RAPGEF1: variants seen among roughly 807,000 people sequenced by gnomAD.
RAPGEF1 encodes the protein Rap guanine nucleotide exchange factor 1, also known as CRK SH3-binding GNRP.
A neutral mutation model predicts 143.3 loss-of-function variants in RAPGEF1; 33 were observed. The observed-to-expected ratio is 0.23, with a 90% CI of 0.17 to 0.31. The LOEUF (loss-of-function observed/expected upper bound fraction) is 0.31, where lower values mean the gene tolerates loss of function less well. Ranked by LOEUF, RAPGEF1 falls within the 10% of genes least tolerant of loss-of-function variation. RAPGEF1 has a pLI of 1.00. For missense variants in RAPGEF1, 1,199 were observed against 1,645.4 expected, an observed-to-expected ratio of 0.73 and a Z score of 4.69; for synonymous variants, 629 against 676.5, an observed-to-expected ratio of 0.93 and a Z score of 1.09.
intron 1 of RAPGEF1, among the ~76,000 whole-genome samples, chr9:131,702,449 T>C (rs1207144233): frequency 6.6e-6 from 1 of 152,246 alleles, no homozygotes; most frequent in Admixed American, 6.5e-5. Flanking sequence ...TTAACACCGA[T>C]AATGGCTTTT....
At position 131,580,458 on chromosome 9, in the gene RAPGEF1, G is replaced by A. The variant is rs1951695389; in HGVS notation, c.3513-67C>T. On this transcript the variant is annotated intron_variant, in intron 25 of 26. Coordinates refer to ENST00000683357, the MANE Select transcript of RAPGEF1 (RefSeq NM_001377935.1). ...TGGAAGCAGCAAGGGCTAGAGACAT[G>A]TGTCAGGCGCTAGGACTCGCAGTGA... 4.5e-6 allele frequency: 7 copies of A among 1,550,710 alleles called. No individual in the cohort carries two copies. The Admixed American group carries it at 1.3e-4, about 29-fold the overall frequency.
chr9:131,632,675 T>C (rs1420859856), intron 5 of RAPGEF1, among the ~76,000 whole-genome samples: 1 of 152,156 alleles, frequency 6.6e-6, no homozygotes, highest in Non-Finnish European at 1.5e-5. Context: ...ACAACAAGAA[T>C]ATGCACTGTA....
intron 1 of RAPGEF1, among the ~76,000 whole-genome samples, chr9:131,680,891 G>A (rs73561741): frequency 0.018 from 2,741 of 152,230 alleles, 80 homozygotes; most frequent in African/African-American, 0.062. Flanking sequence ...GGCAAGTAGC[G>A]TCCATCGTGG....
intron 1 of RAPGEF1, among the ~76,000 whole-genome samples, chr9:131,702,235 C>T (rs918164196): frequency 4.6e-5 from 7 of 152,220 alleles, no homozygotes; most frequent in Non-Finnish European, 1.0e-4. Flanking sequence ...TCTGGGCTCA[C>T]TCTGTCTCTT....
Position 131,652,528 on chromosome 9 carries a change from A to T in RAPGEF1, c.62-1579T>A, listed in dbSNP as rs562581105. ...GCTTTTTTCTATTTAAAAAATTATT[A>T]TTTTTTTTTCACTTTTAAAACTTTT... On this transcript the variant is annotated intron_variant, in intron 1 of 26. Transcript: ENST00000683357. 6.1e-3 allele frequency among the ~76,000 whole-genome samples: 925 copies of T among 151,008 alleles called. 17 individuals are homozygous for T. The highest frequency in any genetic ancestry group is 0.021 in the African/African-American group (862 of 41,136).
At chr9:131,682,834 A>G (rs1290000005) in intron 1 of RAPGEF1, among the ~76,000 whole-genome samples, 1 of 152,232 alleles carries the variant, frequency 6.6e-6, no homozygotes, top group Non-Finnish European at 1.5e-5. Context: ...AGGAGTGGAC[A>G]TTTCAATCAT....
chr9:131,664,187 T>C (rs995401100), intron 1 of RAPGEF1, among the ~76,000 whole-genome samples: 3 of 152,200 alleles, frequency 2.0e-5, no homozygotes, highest in African/African-American at 7.2e-5. Flanking sequence ...TCTTTGGTTT[T>C]TGATGCAAAA....
chr9:131,668,553 T>C (rs1313266297), intron 1 of RAPGEF1, among the ~76,000 whole-genome samples: 1 of 151,988 alleles, frequency 6.6e-6, no homozygotes, highest in Non-Finnish European at 1.5e-5. Context: ...GGGTTAAGTT[T>C]AAACCTCCCC....
Position 131,624,930 on chromosome 9 carries a change from G to A in RAPGEF1, c.1702+992C>T, listed in dbSNP as rs144031847. On this transcript the variant is annotated intron_variant, in intron 10 of 26. Coordinates refer to ENST00000683357, the MANE Select transcript of RAPGEF1 (RefSeq NM_001377935.1). ...GGGGATACATGACATCATCGCAGCC[G>A]CCGCCTTCTGTGGACCACGCAGCCA... Among the ~76,000 whole-genome samples the A allele has an allele frequency of 5.0e-3, 763 of 152,374 alleles. 11 individuals carry two copies. Among genetic ancestry groups the A allele is most frequent in the African/African-American group, 0.017 (699 of 41,588 alleles).
chr9:131,722,908 C>T (rs755733063), intron 1 of RAPGEF1, among the ~76,000 whole-genome samples: 3 of 151,938 alleles, frequency 2.0e-5, no homozygotes, highest in South Asian at 2.1e-4. Flanking sequence ...AACAACGGGG[C>T]GGGGGGCAGG....
chr9:131,659,887 C>T (rs944896312), intron 1 of RAPGEF1, among the ~76,000 whole-genome samples: 14 of 152,016 alleles, frequency 9.2e-5, no homozygotes, highest in African/African-American at 3.4e-4. Flanking sequence ...GGCGTGATCT[C>T]GGCTCACTGC....
intron 1 of RAPGEF1, chr9:131,737,683 G>C (rs1410031498): frequency 8.9e-7 from 1 of 1,122,092 alleles, no homozygotes; most frequent in Admixed American, 3.1e-5. Context: ...TAAAAAAAGA[G>C]GCCCAGCGCG....
chr9:131,638,828 A>G (rs1966898900), intron 4 of RAPGEF1, 37 bp from the exon 5 acceptor site: 1 of 1,592,304 alleles, frequency 6.3e-7, no homozygotes. Context: ...AAGAAAATCT[A>G]AAGCATGACC....
intron 18 of RAPGEF1, among the ~76,000 whole-genome samples, chr9:131,590,448 AG>A (rs1242294828): frequency 6.6e-6 from 1 of 152,122 alleles, no homozygotes; most frequent in Non-Finnish European, 1.5e-5. Context: ...GGGCTCTGCA[AG>A]GGAACTCTCA....
At chr9:131,706,367 A>G (rs969966229) in intron 1 of RAPGEF1, among the ~76,000 whole-genome samples, 1 of 151,830 alleles carries the variant, frequency 6.6e-6, no homozygotes, top group African/African-American at 2.4e-5. Context: ...GGTTCAAGCA[A>G]TCCTCCCACC....
intron 1 of RAPGEF1, among the ~76,000 whole-genome samples, chr9:131,688,425 A>AT (rs1833526325): frequency 6.6e-6 from 1 of 152,240 alleles, no homozygotes; most frequent in African/African-American, 2.4e-5. Flanking sequence ...ACCCATTAAC[A>AT]TAAGCCAGGA....
Position 131,596,349 on chromosome 9 carries a change from C to T in RAPGEF1, c.2638G>A (p.Gly880Arg), listed in dbSNP as rs369218533. ...QEGDDGPDVR[G>R]GSGDILLVHA... ...ACCAGTAAGATGTCCCCAGATCCTC[C>T]GCGGACGTCCGGCCCGTCATCACCC... The change falls in exon 17 of 27, where the codon GGA (glycine) becomes AGA (arginine). Residue 880 changes from glycine (G) to arginine (R), a missense_variant. This residue lies in a region of RAPGEF1 where 209 missense variants were observed against 403.0 expected (regional missense o/e 0.52). Transcript: ENST00000683357. The T allele has an allele frequency of 9.3e-6, 15 of 1,613,948 alleles. No individual in the cohort carries two copies. Among genetic ancestry groups the T allele is most frequent in the South Asian group, 2.2e-5 (2 of 91,072 alleles).
In RAPGEF1 at chr9:131,619,071, C is replaced by CAAAATTGGCCAAGCCTGGGCCAGAGCA; in HGVS notation, c.2040_2041insTGCTCTGGCCCAGGCTTGGCCAATTTT (p.His680_Gly681insCysSerGlyProGlyLeuAlaAsnPhe). The CAAAATTGGCCAAGCCTGGGCCAGAGCA allele has an allele frequency of 7.4e-7, 1 of 1,359,296 alleles. No homozygotes were observed. 84.2% of individuals were successfully genotyped at this position (1,359,296 alleles called of 1,614,324 possible). A position where few individuals can be genotyped will look rare whatever the true frequency, so the allele number is the denominator to read the frequency against. On this transcript the variant is annotated inframe_insertion, in exon 12 of 27. Coordinates refer to ENST00000683357, the MANE Select transcript of RAPGEF1 (RefSeq NM_001377935.1). Reference sequence around the variant, plus strand: ...CTCACCGAGGGCACGGGCAAGCTGCCGTGCCGGCTGAGAAAGGAGTTAGAG... The same window carrying CAAAATTGGCCAAGCCTGGGCCAGAGCA: ...CTCACCGAGGGCACGGGCAAGCTGCCAAAATTGGCCAAGCCTGGGCCAGAGCAGTGCCGGCTGAGAAAGGAGTTAGAG...
In RAPGEF1 at chr9:131,732,497, T is replaced by C. The variant is rs1256557374; in HGVS notation, c.61+7273A>G. On this transcript the variant is annotated intron_variant, in intron 1 of 26. Coordinates refer to ENST00000683357, the MANE Select transcript of RAPGEF1 (RefSeq NM_001377935.1). ...AGCTCAAAGAACGTGCACTGACCAA[T>C]GGATGCGGCATCAGAACCGAGTGGC... Among the ~76,000 whole-genome samples, 4 of 152,182 alleles carry C rather than the reference T, an allele frequency of 2.6e-5. No individual in the cohort carries two copies. In the East Asian group the frequency reaches 5.8e-4, roughly 22 times the overall value.
Sources: allele counts gnomAD v4.1 joint callset (sites outside exome capture counted in the v4.1 genomes callset), GRCh38; gene constraint gnomAD v4.1.1; regional missense constraint gnomAD v4.1.1; transcripts MANE v1.5; gene names NCBI Gene and HGNC (gene_info 2026-07-23, HGNC 2026-07-21).